Variants in CCNY observed in about 807,000 individuals in gnomAD.
The protein encoded by CCNY is cyclin-Y.
In CCNY, 19 loss-of-function variants were observed where a neutral mutation model predicts 42.8. The observed-to-expected ratio is 0.44, with a 90% CI of 0.31 to 0.65. The LOEUF is 0.65. Among genes scored for constraint, CCNY ranks in the 30% least tolerant of loss-of-function variants. CCNY has a pLI of 0.07. For missense variants in CCNY, 370 were observed against 437.3 expected (o/e 0.85, Z 1.37); for synonymous variants, 165 against 162.7 (o/e 1.01, Z -0.11).
At chr10:35,479,194 G>A (rs1464805003) in intron 1 of CCNY, among the ~76,000 whole-genome samples, 1 of 151,730 alleles carries the variant, frequency 6.6e-6, no homozygotes, top group Non-Finnish European at 1.5e-5. Context: ...GGAAGTCAGT[G>A]TGGTGATTCC....
intron 1 of CCNY, among the ~76,000 whole-genome samples, chr10:35,405,028 G>A (rs968817637): frequency 6.6e-6 from 1 of 152,152 alleles, no homozygotes; most frequent in Non-Finnish European, 1.5e-5. Context: ...GGTTGTGGAG[G>A]GAGGTATTGA....
intron 1 of CCNY, chr10:35,347,295 A>G (rs1033710883): frequency 5.0e-6 from 1 of 198,854 alleles, no homozygotes; most frequent in Admixed American, 6.5e-5. Flanking sequence ...AGCTGGGCAC[A>G]GTAAGGAGAA....
At chr10:35,380,613 A>G (rs527912654) in intron 1 of CCNY, among the ~76,000 whole-genome samples, 20 of 152,368 alleles carry the variant, frequency 1.3e-4, no homozygotes, top group Admixed American at 7.8e-4. Context: ...TCACATATAG[A>G]GCACTTCACA....
intron 3 of CCNY, among the ~76,000 whole-genome samples, chr10:35,257,358 G>A (rs1404528292): frequency 6.8e-6 from 1 of 147,922 alleles, no homozygotes; most frequent in Non-Finnish European, 1.5e-5. Flanking sequence ...ACTCAGGCTG[G>A]TCTCAGACTC....
chr10:35,310,868 T>TCGTG (rs1387573410), intron 3 of CCNY, among the ~76,000 whole-genome samples: 2 of 152,202 alleles, frequency 1.3e-5, no homozygotes. Flanking sequence ...TGGCCGGGAA[T>TCGTG]CGTGGCTCAC....
chr10:35,496,320 T>C (rs2135384682), intron 2 of CCNY, among the ~76,000 whole-genome samples: 1 of 152,372 alleles, frequency 6.6e-6, no homozygotes, highest in African/African-American at 2.4e-5. Flanking sequence ...TGCACACCAG[T>C]GATGTTCTTG....
At chr10:35,258,797 G>A (rs2095717328) in intron 3 of CCNY, among the ~76,000 whole-genome samples, 1 of 152,026 alleles carries the variant, frequency 6.6e-6, no homozygotes. Context: ...TAAGCTGAGT[G>A]TGGTGGCATG....
At chr10:35,490,077 A>G (rs116338411) in intron 2 of CCNY, among the ~76,000 whole-genome samples, 4,109 of 152,272 alleles carry the variant, frequency 0.027, 86 homozygotes, top group African/African-American at 0.052. Flanking sequence ...CTTCATGTTT[A>G]TACATCTCTG....
chr10:35,544,198 C>T (rs1452328115), intron 7 of CCNY, among the ~76,000 whole-genome samples: 3 of 152,166 alleles, frequency 2.0e-5, no homozygotes, highest in Non-Finnish European at 4.4e-5. Flanking sequence ...CACACTCACT[C>T]ACCACTCACT....
intron 8 of CCNY, among the ~76,000 whole-genome samples, chr10:35,555,722 C>T (rs1406724208): frequency 6.6e-6 from 1 of 152,160 alleles, no homozygotes; most frequent in Admixed American, 6.5e-5. Flanking sequence ...ATTTAAAAAA[C>T]AACTGTTTTT....
chr10:35,479,165 A>C (rs549190638), intron 1 of CCNY, among the ~76,000 whole-genome samples: 37 of 151,678 alleles, frequency 2.4e-4, no homozygotes, highest in African/African-American at 8.0e-4. Flanking sequence ...GTGGGACTGT[A>C]AACTAGTTCA....
rs764115191 is a variant in CCNY at position 35,553,010 on chromosome 10, T to C, written c.580-9T>C. ...ATCACTTAGCTCTGGCATTGTCTTG[T>C]CTTCCCAGGTGTACCTTGAAAGACT... On this transcript the variant is annotated splice_polypyrimidine_tract_variant and intron_variant, in intron 7 of 9. Coordinates refer to ENST00000374704, the MANE Select transcript of CCNY (RefSeq NM_145012.6). The C allele has an allele frequency of 8.7e-6, 14 of 1,612,166 alleles. No individual in the cohort carries two copies. The highest frequency in any genetic ancestry group is 1.1e-5 in the Non-Finnish European group (13 of 1,178,324).
intron 7 of CCNY, among the ~76,000 whole-genome samples, chr10:35,535,452 T>A (rs988850668): frequency 2.0e-5 from 3 of 152,192 alleles, no homozygotes; most frequent in African/African-American, 7.2e-5. Flanking sequence ...TCCAGTGGAA[T>A]GCTGAGTTGG....
At chr10:35,362,928 C>G (rs970162206) in intron 1 of CCNY, among the ~76,000 whole-genome samples, 1 of 151,854 alleles carries the variant, frequency 6.6e-6, no homozygotes, top group Non-Finnish European at 1.5e-5. Context: ...AGAGGCGATC[C>G]TCACTTCCCA....
intron 3 of CCNY, among the ~76,000 whole-genome samples, chr10:35,300,127 C>A (rs2135072319): frequency 6.6e-6 from 1 of 152,334 alleles, no homozygotes; most frequent in Non-Finnish European, 1.5e-5. Context: ...CTTTGCTTGG[C>A]CTCGCAGAGT....
intron 2 of CCNY, among the ~76,000 whole-genome samples, chr10:35,489,516 G>C (rs1225250512): frequency 6.6e-6 from 1 of 152,044 alleles, no homozygotes; most frequent in African/African-American, 2.4e-5. Context: ...TAGCCAGGGT[G>C]GTCTCGATCT....
At chr10:35,568,405 A>C (rs1317556191) in intron 9 of CCNY, among the ~76,000 whole-genome samples, 1 of 152,190 alleles carries the variant, frequency 6.6e-6, no homozygotes, top group East Asian at 1.9e-4. Flanking sequence ...AGTTCTAGCC[A>C]CACCCAGTGG....
At chr10:35,264,739 C>G (rs2095723323) in intron 3 of CCNY, among the ~76,000 whole-genome samples, 1 of 152,116 alleles carries the variant, frequency 6.6e-6, no homozygotes, top group Non-Finnish European at 1.5e-5. Context: ...ACTGCAACCT[C>G]AGCCTCCCAG....
chr10:35,283,213 C>T (rs975738180), intron 3 of CCNY, among the ~76,000 whole-genome samples: 4 of 152,086 alleles, frequency 2.6e-5, no homozygotes, highest in Non-Finnish European at 4.4e-5. Context: ...CTATCCTCTA[C>T]TTAAGTGAAT....
Sources: allele counts gnomAD v4.1 joint callset (sites outside exome capture counted in the v4.1 genomes callset), GRCh38; gene constraint gnomAD v4.1.1; transcripts MANE v1.5; gene names NCBI Gene and HGNC (gene_info 2026-07-23, HGNC 2026-07-21).